The following LAPTM5 variants were observed in gnomAD, a reference collection of about 807,000 sequenced individuals.
LAPTM5 encodes lysosomal-associated transmembrane protein 5.
A neutral mutation model predicts 30.1 loss-of-function variants in LAPTM5; 11 were observed. That is an observed-to-expected ratio of 0.37 (90% confidence interval 0.23 to 0.60). The LOEUF is 0.60. LAPTM5 is among the 20% of genes least tolerant of loss of function. The pLI is 0.71. For missense variants in LAPTM5, 324 were observed against 332.5 expected (o/e 0.97, Z 0.20); for synonymous variants, 151 against 137.9 (o/e 1.10, Z -0.67).
intron 1 of LAPTM5, among the ~76,000 whole-genome samples, chr1:30,748,519 G>A (rs1178111725): frequency 6.6e-6 from 1 of 152,182 alleles, no homozygotes; most frequent in Non-Finnish European, 1.5e-5. Context: ...GAGGATGTGA[G>A]AAGGGAGTCA....
In LAPTM5 at chr1:30,739,918, A is replaced by G; in HGVS notation, c.278T>C (p.Leu93Pro). The G allele has an allele frequency of 6.2e-7, 1 of 1,601,926 alleles. No homozygotes were observed. Among genetic ancestry groups the G allele is most frequent in the Non-Finnish European group, 8.5e-7 (1 of 1,172,898 alleles). The change falls in exon 4 of 8, where the codon CTG (leucine) becomes CCG (proline). Residue 93 changes from leucine (L) to proline (P), a missense_variant. Transcript: ENST00000294507. This position sits in a 1 kb window ranked among gnomAD's most constrained non-coding sequence, Gnocchi z 4.2. Reference protein sequence around the residue: ...GVVKNREKYLLPFLSLQIMDY... With the variant: ...GVVKNREKYLPPFLSLQIMDY... Reference sequence around the variant, plus strand: ...CATGATTTGCAGGGACAGGAAGGGCAGCAGGTACTTCTCCCGGTTCTGAAA... The same window carrying G: ...CATGATTTGCAGGGACAGGAAGGGCGGCAGGTACTTCTCCCGGTTCTGAAA...
intron 1 of LAPTM5, among the ~76,000 whole-genome samples, chr1:30,750,736 CAG>C (rs1227598660): frequency 6.6e-6 from 1 of 152,210 alleles, no homozygotes; most frequent in Non-Finnish European, 1.5e-5. Context: ...ACACAGGCTG[CAG>C]AGTCACTTGC....
chr1:30,753,182 CCTGTAATATAAA>C (rs1640162533), intron 1 of LAPTM5, among the ~76,000 whole-genome samples: 1 of 151,918 alleles, frequency 6.6e-6, no homozygotes, highest in Non-Finnish European at 1.5e-5. Context: ...TCCCTGGGTC[CCTGTAATATAAA>C]TAAATCATTT....
intron 1 of LAPTM5, among the ~76,000 whole-genome samples, chr1:30,743,501 T>G (rs897911395): frequency 3.3e-5 from 5 of 152,184 alleles, no homozygotes; most frequent in African/African-American, 1.2e-4. Flanking sequence ...ACCTGTGCCA[T>G]GCAGCCTCTA....
intron 1 of LAPTM5, among the ~76,000 whole-genome samples, chr1:30,756,278 A>G (rs1026931147): frequency 1.3e-5 from 2 of 152,202 alleles, no homozygotes; most frequent in Admixed American, 6.5e-5. Context: ...AGGAGCTCGG[A>G]AGGACAACCT....
At chr1:30,757,034 G>A (rs920981865) in intron 1 of LAPTM5, among the ~76,000 whole-genome samples, 7 of 152,206 alleles carry the variant, frequency 4.6e-5, no homozygotes, top group Admixed American at 1.3e-4. Flanking sequence ...AGCTTGGGCC[G>A]GACAAGTTAC....
chr1:30,747,667 G>T (rs747062918), intron 1 of LAPTM5, among the ~76,000 whole-genome samples: 6 of 152,162 alleles, frequency 3.9e-5, no homozygotes, highest in Non-Finnish European at 5.9e-5. Context: ...CAAGCAACAG[G>T]TTGAGCTAAA....
intron 1 of LAPTM5, among the ~76,000 whole-genome samples, chr1:30,744,794 C>T (rs976726103): frequency 1.4e-4 from 21 of 152,182 alleles, no homozygotes; most frequent in African/African-American, 5.1e-4. Context: ...GCCTGAACCC[C>T]GGAGAGGACT....
chr1:30,741,169 C>T (rs1392807108), intron 3 of LAPTM5, among the ~76,000 whole-genome samples: 2 of 152,192 alleles, frequency 1.3e-5, no homozygotes, highest in Admixed American at 6.5e-5. Flanking sequence ...CCTTCCAGGG[C>T]GTAGGTCCCC....
At chr1:30,736,164 C>G (rs891904534) in intron 6 of LAPTM5, among the ~76,000 whole-genome samples, 1 of 151,910 alleles carries the variant, frequency 6.6e-6, no homozygotes, top group African/African-American at 2.4e-5. Flanking sequence ...CAGGGGTGTT[C>G]TCACTGTACA....
At chr1:30,741,125 A>G (rs1157434306) in intron 3 of LAPTM5, among the ~76,000 whole-genome samples, 2 of 152,082 alleles carry the variant, frequency 1.3e-5, no homozygotes, top group East Asian at 3.9e-4. Flanking sequence ...CTGAAGGCCC[A>G]TCTTCCCCAA....
intron 2 of LAPTM5, 115 bp downstream of exon 2, chr1:30,742,341 T>A: frequency 1.4e-6 from 1 of 692,774 alleles, no homozygotes; most frequent in Non-Finnish European, 2.5e-6. Context: ...TTGCCAGAGG[T>A]CATCCATCGT....
At chr1:30,734,887 T>A (rs1301458680) in intron 7 of LAPTM5, among the ~76,000 whole-genome samples, 1 of 152,252 alleles carries the variant, frequency 6.6e-6, no homozygotes, top group Admixed American at 6.5e-5. Context: ...TGTATCTATG[T>A]GTCTGAACTG....
At chr1:30,735,621 T>A (rs1639874490) in intron 6 of LAPTM5, among the ~76,000 whole-genome samples, 1 of 152,218 alleles carries the variant, frequency 6.6e-6, no homozygotes, top group South Asian at 2.1e-4. Context: ...GAGCTGATGG[T>A]GGGACATGTT....
At chr1:30,736,091 C>A (rs1018072375) in intron 6 of LAPTM5, among the ~76,000 whole-genome samples, 1 of 152,062 alleles carries the variant, frequency 6.6e-6, no homozygotes, top group African/African-American at 2.4e-5. Flanking sequence ...CTGGGGTCTG[C>A]GGAGGGGTCC....
At chr1:30,743,794 G>GT (rs1196822870) in intron 1 of LAPTM5, among the ~76,000 whole-genome samples, 1 of 85,780 alleles carries the variant, frequency 1.2e-5, no homozygotes, top group African/African-American at 4.3e-5. Context: ...TGACTGTGTG[G>GT]GTTTTTTTTT....
At position 30,757,755 on chromosome 1, in the gene LAPTM5, G is replaced by A. The variant is rs758325705; in HGVS notation, c.-10C>T. 6.8e-6 allele frequency: 11 copies of A among 1,612,016 alleles called. No homozygotes were observed. The highest frequency in any genetic ancestry group is 5.0e-5 in the Admixed American group (3 of 59,922). ...ACAAGCGGGGGTCCATGGTGCTGCC[G>A]TCCCCTCCTCTGAGACACTGAAGGG... On this transcript the variant is annotated 5_prime_UTR_variant, in exon 1 of 8. In the 5' UTR this introduces an upstream ATG that the reference lacks. Coordinates refer to ENST00000294507, the MANE Select transcript of LAPTM5 (RefSeq NM_006762.3).
Position 30,741,655 on chromosome 1 carries a change from C to A in LAPTM5, c.243G>T (p.Leu81=). 6.2e-7 allele frequency: 1 copy of A among 1,604,642 alleles called. No individual in the cohort carries two copies. Among genetic ancestry groups the A allele is most frequent in the South Asian group, 1.1e-5 (1 of 89,260 alleles). The part of the protein sequence containing the change: ...TMLFIISLSL[L]IGVVKNREKY... ...GAGCCCTCACCTTGACTACGCCGAT[C>A]AGTAGGCTCAGGCTGATGATGAAGA... is the stretch of plus-strand genomic sequence containing the variant. Residue 81 remains leucine, a synonymous_variant, in exon 3 of 8, where the codon CTG becomes CTT. Coordinates refer to ENST00000294507, the MANE Select transcript of LAPTM5 (RefSeq NM_006762.3).
chr1:30,734,803 T>TGA (rs1639862545), intron 7 of LAPTM5, among the ~76,000 whole-genome samples: 1 of 152,232 alleles, frequency 6.6e-6, no homozygotes, highest in South Asian at 2.1e-4. Flanking sequence ...CCAGGAAGGC[T>TGA]TCCCTGATAC....
Sources: gnomAD v4.1 joint callset for allele counts (sites outside exome capture counted in the v4.1 genomes callset) on GRCh38, gnomAD v4.1.1 for gene constraint, Gnocchi (gnomAD v3.1) non-coding constraint, MANE v1.5 for transcripts, NCBI Gene and HGNC (gene_info 2026-07-23, HGNC 2026-07-21) for gene names.